TAMM41: variants seen among roughly 807,000 people sequenced by gnomAD.
The protein encoded by TAMM41 is phosphatidate cytidylyltransferase, mitochondrial.
TAMM41 carries 36 observed loss-of-function variants against 44.1 expected under a neutral mutation model. That is an observed-to-expected ratio of 0.82 (90% CI 0.63 to 1.08). TAMM41 has a LOEUF of 1.08. TAMM41 is among the 50% of genes least tolerant of loss of function. TAMM41 has a pLI of 0.00. For synonymous variants in TAMM41, 164 were observed against 153.1 expected (o/e 1.07, Z -0.53); for missense variants, 417 against 404.3 (o/e 1.03, Z -0.27).
chr3:11,788,593 T>C (rs2077430628), downstream of TAMM41, among the ~76,000 whole-genome samples: 1 of 152,128 alleles, frequency 6.6e-6, no homozygotes, highest in Non-Finnish European at 1.5e-5. Context: ...CCAGTCTATT[T>C]TGGGTTCTGA....
At chr3:11,745,555 T>TAA in the TAMM41 span, among the ~76,000 whole-genome samples, 1 of 152,206 alleles carries the variant, frequency 6.6e-6, no homozygotes, top group South Asian at 2.1e-4. Context: ...GACATTATGC[T>TAA]AAGTGAAATA....
chr3:11,746,671 C>T, the TAMM41 span, among the ~76,000 whole-genome samples: 4 of 152,180 alleles, frequency 2.6e-5, no homozygotes, highest in African/African-American at 9.6e-5. Flanking sequence ...ATTTTTAAGG[C>T]AGAGTCTCTC....
chr3:11,728,267 G>A, the TAMM41 span, among the ~76,000 whole-genome samples: 1 of 152,346 alleles, frequency 6.6e-6, no homozygotes, highest in East Asian at 1.9e-4. Context: ...CCTGCTGTGT[G>A]TAAGACACTG....
the TAMM41 span, among the ~76,000 whole-genome samples, chr3:11,767,727 G>A: frequency 6.9e-6 from 1 of 144,326 alleles, no homozygotes; most frequent in Non-Finnish European, 1.5e-5. Flanking sequence ...CCGGGTTCAA[G>A]CAATTCTCCT....
the TAMM41 span, among the ~76,000 whole-genome samples, chr3:11,750,110 A>T: frequency 6.6e-6 from 1 of 151,636 alleles, no homozygotes; most frequent in Non-Finnish European, 1.5e-5. Flanking sequence ...GTTAGCCAGG[A>T]TGGTCTCGAT....
At chr3:11,768,500 C>A in the TAMM41 span, among the ~76,000 whole-genome samples, 1 of 152,198 alleles carries the variant, frequency 6.6e-6, no homozygotes, top group Admixed American at 6.5e-5. Context: ...GTATTTCCCA[C>A]AATTTTATGT....
the TAMM41 span, among the ~76,000 whole-genome samples, chr3:11,735,089 G>A: frequency 6.6e-6 from 1 of 151,554 alleles, no homozygotes; most frequent in Non-Finnish European, 1.5e-5. Context: ...CTCAGGCATG[G>A]TGGCTCACAC....
the TAMM41 span, among the ~76,000 whole-genome samples, chr3:11,768,197 C>T: frequency 4.6e-5 from 7 of 150,956 alleles, no homozygotes; most frequent in Middle Eastern, 6.8e-3. Context: ...AGTGTAGTGG[C>T]GTGACCTCAG....
At chr3:11,748,800 T>C in the TAMM41 span, among the ~76,000 whole-genome samples, 22 of 151,950 alleles carry the variant, frequency 1.4e-4, no homozygotes, top group Admixed American at 6.6e-5. Flanking sequence ...GATGGTGTGG[T>C]GGAGAATGTG....
rs1248216596 is a variant in TAMM41 at position 11,827,462 on chromosome 3, A to G, written c.562+2252T>C. Among the ~76,000 whole-genome samples the G allele has an allele frequency of 2.0e-5, 3 of 151,594 alleles. No homozygotes were observed. The East Asian group carries it at 5.8e-4, about 29-fold the overall frequency. On this transcript the variant is annotated intron_variant, in intron 4 of 7. Coordinates refer to ENST00000455809, the MANE Select transcript of TAMM41 (RefSeq NM_001284401.2). ...GTAGCTGGGATTACAGGCATGCACC[A>G]CCACGCCTGACTAATTTTTGTATTT...
chr3:11,846,319 T>C (rs1441204424), intron 1 of TAMM41, among the ~76,000 whole-genome samples, 183 bp downstream of exon 1: 2 of 152,234 alleles, frequency 1.3e-5, no homozygotes, highest in African/African-American at 4.8e-5. Flanking sequence ...TAAGTATCCT[T>C]CAACACCGTC....
the TAMM41 span, among the ~76,000 whole-genome samples, chr3:11,740,277 A>T: frequency 6.6e-6 from 1 of 152,074 alleles, no homozygotes; most frequent in African/African-American, 2.4e-5. Context: ...CCAAATCCCT[A>T]GTGTTTTCTG....
intron 5 of TAMM41, among the ~76,000 whole-genome samples, chr3:11,812,052 C>T (rs2078103866): frequency 6.6e-6 from 1 of 152,070 alleles, no homozygotes; most frequent in South Asian, 2.1e-4. Context: ...CTCAGCCTCC[C>T]GAGTAGCTGG....
chr3:11,787,459 G>A (rs1273756958), downstream of TAMM41, among the ~76,000 whole-genome samples: 3 of 152,054 alleles, frequency 2.0e-5, no homozygotes, highest in Non-Finnish European at 1.5e-5. Context: ...TCCTCCTCCA[G>A]GATACCCCTT....
intron 3 of TAMM41, among the ~76,000 whole-genome samples, chr3:11,835,143 TTTC>T (rs1326150367): frequency 2.6e-5 from 4 of 152,200 alleles, no homozygotes; most frequent in Admixed American, 6.5e-5. Flanking sequence ...CTCATAATTC[TTTC>T]TTAAGATATT....
At chr3:11,779,647 C>T in the TAMM41 span, among the ~76,000 whole-genome samples, 1 of 98,292 alleles carries the variant, frequency 1.0e-5, no homozygotes, top group Non-Finnish European at 1.9e-5. Context: ...CCTTGGGTCT[C>T]TTCTCTGTGC....
chr3:11,756,343 G>A, the TAMM41 span, among the ~76,000 whole-genome samples: 1 of 152,118 alleles, frequency 6.6e-6, no homozygotes, highest in Non-Finnish European at 1.5e-5. Flanking sequence ...TGGAACTGAT[G>A]TGCTGGCCAT....
At chr3:11,733,441 G>C in the TAMM41 span, among the ~76,000 whole-genome samples, 6 of 152,094 alleles carry the variant, frequency 3.9e-5, no homozygotes, top group African/African-American at 1.2e-4. Flanking sequence ...CATCTGGAAG[G>C]GGGTGTTGCA....
chr3:11,809,365 GA>G, intron 6 of TAMM41, 151 bp downstream of exon 6: 1 of 841,906 alleles, frequency 1.2e-6, no homozygotes, highest in Non-Finnish European at 1.8e-6. Context: ...TGCAGATTTA[GA>G]AAACCCTCAA....
Sources: allele counts gnomAD v4.1 joint callset (sites outside exome capture counted in the v4.1 genomes callset), GRCh38; gene constraint gnomAD v4.1.1; transcripts MANE v1.5; gene names NCBI Gene and HGNC (gene_info 2026-07-23, HGNC 2026-07-21).